NPAS3: variants seen among roughly 807,000 people sequenced by gnomAD.
NPAS3 encodes neuronal PAS domain-containing protein 3.
Under a neutral mutation model 73.1 loss-of-function variants are expected in NPAS3, and 14 were observed. The ratio of observed to expected loss-of-function variants is 0.19; its 90% CI spans 0.13 to 0.30. NPAS3 has a LOEUF of 0.30. NPAS3 is among the 10% of genes least tolerant of loss of function. NPAS3 has a pLI of 1.00. For missense variants in NPAS3, 1,096 were observed against 1,250.0 expected, an observed-to-expected ratio of 0.88 and a Z score of 1.86; for synonymous variants, 620 against 541.5, an observed-to-expected ratio of 1.14 and a Z score of -2.01.
At chr14:33,654,178 AT>A (rs5807736) in intron 5 of NPAS3, among the ~76,000 whole-genome samples, 73,396 of 149,642 alleles carry the variant, frequency 0.49, 18,599 homozygotes, top group African/African-American at 0.65. Context: ...ATCCTGTGCC[AT>A]TTTTTTTTTT....
chr14:33,652,666 T>A (rs1344848391), intron 5 of NPAS3, among the ~76,000 whole-genome samples: 1 of 152,206 alleles, frequency 6.6e-6, no homozygotes, highest in Non-Finnish European at 1.5e-5. Context: ...TCAGGCGCCA[T>A]GCCTTGGTTC....
At chr14:33,008,018 G>GA in intron 1 of NPAS3, among the ~76,000 whole-genome samples, 1 of 152,050 alleles carries the variant, frequency 6.6e-6, no homozygotes, top group African/African-American at 2.4e-5. Context: ...AAAGAAGAAA[G>GA]AAAAAAATAT....
chr14:33,664,836 G>C (rs763463339), intron 5 of NPAS3, among the ~76,000 whole-genome samples: 1 of 152,154 alleles, frequency 6.6e-6, no homozygotes, highest in Non-Finnish European at 1.5e-5. Flanking sequence ...TTAGAATGGC[G>C]ATTATTAAAA....
intron 3 of NPAS3, among the ~76,000 whole-genome samples, chr14:33,302,811 G>T (rs2042606468): frequency 6.6e-6 from 1 of 151,772 alleles, no homozygotes; most frequent in Non-Finnish European, 1.5e-5. Context: ...TCACTCTTTT[G>T]TTTCCCATTT....
intron 4 of NPAS3, among the ~76,000 whole-genome samples, chr14:33,556,094 T>C (rs1419005804): frequency 6.6e-6 from 1 of 152,204 alleles, no homozygotes; most frequent in East Asian, 1.9e-4. Flanking sequence ...CAAAAAAAAC[T>C]GGCCAGTTCT....
chr14:33,410,921 C>A (rs571162653), intron 4 of NPAS3, among the ~76,000 whole-genome samples: 1 of 152,138 alleles, frequency 6.6e-6, no homozygotes, highest in Non-Finnish European at 1.5e-5. Flanking sequence ...GCTGGGATTA[C>A]AGGAGTGAGC....
At chr14:33,615,670 G>A (rs1415912102) in intron 5 of NPAS3, among the ~76,000 whole-genome samples, 1 of 152,074 alleles carries the variant, frequency 6.6e-6, no homozygotes, top group Non-Finnish European at 1.5e-5. Context: ...AATAATTTGA[G>A]TAATGCTAAA....
chr14:33,783,607 G>T (rs1209661644), intron 9 of NPAS3, among the ~76,000 whole-genome samples: 1 of 130,462 alleles, frequency 7.7e-6, no homozygotes, highest in Non-Finnish European at 1.6e-5. Context: ...GTGTGGGGGG[G>T]CGGGTACCGG....
rs923949416 is a variant in NPAS3, at chr14:33,679,308, C to G, written c.733+2923C>G. On this transcript the variant is annotated intron_variant, in intron 6 of 11. Transcript: ENST00000356141. ...AGAGCAATGAGATTGACTGACTGCT[C>G]AAATACTGAAAAGCAGTGTAGGGTG... is the stretch of plus-strand genomic sequence containing the variant. 9.9e-5 allele frequency among the ~76,000 whole-genome samples: 15 copies of G among 152,198 alleles called. No individual in the cohort carries two copies. In the South Asian group the frequency reaches 2.3e-3, roughly 23 times the overall value.
intron 4 of NPAS3, among the ~76,000 whole-genome samples, chr14:33,380,708 T>C (rs961275243): frequency 6.6e-5 from 10 of 152,164 alleles, no homozygotes; most frequent in Non-Finnish European, 4.4e-5. Flanking sequence ...ATAAAATTTG[T>C]TGTTCTGGAT....
intron 7 of NPAS3, among the ~76,000 whole-genome samples, chr14:33,765,575 C>G (rs1286314247): frequency 6.6e-6 from 1 of 152,182 alleles, no homozygotes; most frequent in Non-Finnish European, 1.5e-5. Context: ...CCCACATCAG[C>G]CAAGGCTTCC....
chr14:33,732,346 G>A (rs2061422268), intron 6 of NPAS3, among the ~76,000 whole-genome samples: 1 of 152,156 alleles, frequency 6.6e-6, no homozygotes, highest in Non-Finnish European at 1.5e-5. Context: ...CCTCTCACGT[G>A]AGACAGTTCA....
chr14:33,038,130 C>T (rs2040230939), intron 1 of NPAS3, among the ~76,000 whole-genome samples: 2 of 152,208 alleles, frequency 1.3e-5, no homozygotes, highest in Non-Finnish European at 2.9e-5. Flanking sequence ...AGAAAATGTG[C>T]TAATTCCCTC....
intron 2 of NPAS3, among the ~76,000 whole-genome samples, chr14:33,140,246 A>G (rs1277969033): frequency 6.6e-6 from 1 of 152,144 alleles, no homozygotes; most frequent in African/African-American, 2.4e-5. Context: ...AGGAAAAACA[A>G]GTTTGACACT....
intron 4 of NPAS3, among the ~76,000 whole-genome samples, chr14:33,447,496 G>A (rs1375456168): frequency 6.6e-6 from 1 of 152,204 alleles, no homozygotes; most frequent in Non-Finnish European, 1.5e-5. Context: ...ATTCTAAGCA[G>A]TGAGTTTTTA....
intron 4 of NPAS3, among the ~76,000 whole-genome samples, chr14:33,446,735 A>G (rs2049526633): frequency 6.6e-6 from 1 of 152,104 alleles, no homozygotes; most frequent in Admixed American, 6.5e-5. Flanking sequence ...TAAAATCTTT[A>G]TGACTTTCTG....
At chr14:33,120,141 A>G (rs904635398) in intron 2 of NPAS3, among the ~76,000 whole-genome samples, 4 of 151,992 alleles carry the variant, frequency 2.6e-5, no homozygotes, top group Non-Finnish European at 4.4e-5. Context: ...TTGTATTTTT[A>G]GTAGAGATGG....
intron 4 of NPAS3, among the ~76,000 whole-genome samples, chr14:33,465,972 G>C (rs1001141083): frequency 6.6e-6 from 1 of 152,310 alleles, no homozygotes; most frequent in Non-Finnish European, 1.5e-5. Flanking sequence ...AGCCTGGGTA[G>C]TTGAGCATCG....
intron 2 of NPAS3, among the ~76,000 whole-genome samples, chr14:33,165,097 A>G (rs2045074929): frequency 6.6e-6 from 1 of 152,158 alleles, no homozygotes; most frequent in African/African-American, 2.4e-5. Flanking sequence ...CAGTCAGGAT[A>G]AATGGGTCAG....
Sources: gnomAD v4.1 joint callset for allele counts (sites outside exome capture counted in the v4.1 genomes callset) on GRCh38, gnomAD v4.1.1 for gene constraint, MANE v1.5 for transcripts, NCBI Gene and HGNC (gene_info 2026-07-23, HGNC 2026-07-21) for gene names.